Variants in YEATS4 observed in about 807,000 individuals in gnomAD.
YEATS4 encodes the protein YEATS domain-containing protein 4.
Under a neutral mutation model 30.1 loss-of-function variants are expected in YEATS4, and 17 were observed. The ratio of observed to expected loss-of-function variants is 0.56; its 90% CI spans 0.39 to 0.85. YEATS4 has a LOEUF of 0.85. Among genes scored for constraint, YEATS4 ranks in the 40% least tolerant of loss-of-function variants. The probability of loss-of-function intolerance (pLI) is 0.00; values close to 1 mark genes in which losing one functional copy is unlikely to be tolerated. For missense variants in YEATS4, 142 were observed against 268.3 expected (o/e 0.53, Z 3.29); for synonymous variants, 85 against 87.5 (o/e 0.97, Z 0.16).
chr12:69,413,690 A>G, the YEATS4 span, among the ~76,000 whole-genome samples: 3 of 152,040 alleles, frequency 2.0e-5, no homozygotes, highest in Admixed American at 2.0e-4. Context: ...CGTCTCTACT[A>G]AAAATACAAA....
chr12:69,416,296 T>C, the YEATS4 span, among the ~76,000 whole-genome samples: 1 of 152,208 alleles, frequency 6.6e-6, no homozygotes, highest in African/African-American at 2.4e-5. Flanking sequence ...CTCTGATGTG[T>C]TTAATTTGTT....
intron 6 of YEATS4, among the ~76,000 whole-genome samples, chr12:69,375,872 G>C (rs1437304732): frequency 6.6e-6 from 1 of 152,038 alleles, no homozygotes; most frequent in African/African-American, 2.4e-5. Context: ...GCCTGGGCTC[G>C]GCATCAGAGG....
chr12:69,360,956 G>T (rs1875178030), intron 1 of YEATS4, among the ~76,000 whole-genome samples: 1 of 151,852 alleles, frequency 6.6e-6, no homozygotes, highest in Non-Finnish European at 1.5e-5. Flanking sequence ...CCAGCACTTT[G>T]GAAGGCCGAG....
In YEATS4 at chr12:69,359,965, G is replaced by A; in HGVS notation, c.-8G>A. On this transcript the variant is annotated 5_prime_UTR_variant, in exon 1 of 7. Transcript: ENST00000247843. ...CCCTGGCGGCGGCGGCTTCTTCCGT[G>A]GGACAATATGTTCAAGAGAATGGCC... 6.2e-7 allele frequency: 1 copy of A among 1,612,446 alleles called. No individual in the cohort carries two copies. Among genetic ancestry groups the A allele is most frequent in the Non-Finnish European group, 8.5e-7 (1 of 1,179,188 alleles).
At chr12:69,401,719 C>T in the YEATS4 span, among the ~76,000 whole-genome samples, 2 of 152,326 alleles carry the variant, frequency 1.3e-5, no homozygotes, top group East Asian at 3.9e-4. Context: ...AGTTCATATA[C>T]ACCATCCATT....
At chr12:69,410,500 G>A in the YEATS4 span, among the ~76,000 whole-genome samples, 2 of 152,136 alleles carry the variant, frequency 1.3e-5, no homozygotes, top group South Asian at 2.1e-4. Flanking sequence ...CAGAGGTCAG[G>A]CAAAAATTAT....
At chr12:69,399,473 A>G in the YEATS4 span, among the ~76,000 whole-genome samples, 1 of 152,232 alleles carries the variant, frequency 6.6e-6, no homozygotes, top group Non-Finnish European at 1.5e-5. Flanking sequence ...AATGGCTGCA[A>G]TAAAAGAGAC....
intron 6 of YEATS4, among the ~76,000 whole-genome samples, chr12:69,388,166 T>C (rs572324506): frequency 6.6e-6 from 1 of 152,270 alleles, no homozygotes; most frequent in African/African-American, 2.4e-5. Context: ...GTTCACGCCA[T>C]TCTCCCGCCT....
intron 1 of YEATS4, among the ~76,000 whole-genome samples, chr12:69,362,353 ATGTT>A (rs1312867990): frequency 6.6e-6 from 1 of 151,754 alleles, no homozygotes; most frequent in Non-Finnish European, 1.5e-5. Flanking sequence ...AAAGTGAAAA[ATGTT>A]TGACCTTTAT....
intron 6 of YEATS4, among the ~76,000 whole-genome samples, chr12:69,375,773 G>T (rs182005188): frequency 1.3e-5 from 2 of 152,104 alleles, no homozygotes; most frequent in Non-Finnish European, 2.9e-5. Context: ...GTGGTGGTGC[G>T]CGCCTGCAAT....
chr12:69,416,149 G>T, the YEATS4 span, among the ~76,000 whole-genome samples: 1 of 152,154 alleles, frequency 6.6e-6, no homozygotes, highest in Non-Finnish European at 1.5e-5. Context: ...TCCAACTTCA[G>T]TTCCCTGTGT....
At chr12:69,424,007 C>G in the YEATS4 span, among the ~76,000 whole-genome samples, 1,044 of 152,250 alleles carry the variant, frequency 6.9e-3, 11 homozygotes, top group African/African-American at 0.024. Context: ...CTAGATATTA[C>G]TCTATGAAGA....
At chr12:69,417,978 T>C in the YEATS4 span, among the ~76,000 whole-genome samples, 1 of 151,708 alleles carries the variant, frequency 6.6e-6, no homozygotes, top group Non-Finnish European at 1.5e-5. Context: ...TCAAATAAAA[T>C]AAGCTATATT....
chr12:69,420,480 CAGG>C, the YEATS4 span, among the ~76,000 whole-genome samples: 1 of 151,918 alleles, frequency 6.6e-6, no homozygotes, highest in Non-Finnish European at 1.5e-5. Flanking sequence ...GAAACACAAC[CAGG>C]AGGAGATTTC....
the YEATS4 span, among the ~76,000 whole-genome samples, chr12:69,425,911 C>A: frequency 4.6e-5 from 7 of 152,198 alleles, no homozygotes; most frequent in Non-Finnish European, 1.0e-4. Context: ...TTCCTTTTTA[C>A]TCACTCTTGC....
the YEATS4 span, among the ~76,000 whole-genome samples, chr12:69,398,856 A>C: frequency 6.7e-6 from 1 of 149,474 alleles, no homozygotes; most frequent in African/African-American, 2.5e-5. Flanking sequence ...ATCATTAAAA[A>C]CTTTTGTGCT....
intron 4 of YEATS4, among the ~76,000 whole-genome samples, chr12:69,370,479 A>G (rs1047825289): frequency 7.2e-5 from 11 of 152,182 alleles, no homozygotes. Context: ...ACAGATTCTT[A>G]ATTACCCTCT....
At chr12:69,363,496 A>G (rs1037228779) in intron 2 of YEATS4, among the ~76,000 whole-genome samples, 4 of 152,240 alleles carry the variant, frequency 2.6e-5, no homozygotes, top group African/African-American at 7.2e-5. Context: ...TCTTCCTAAC[A>G]TCATATCTAA....
chr12:69,371,057 T>C, intron 6 of YEATS4, 82 bp downstream of exon 6: 2 of 1,373,252 alleles, frequency 1.5e-6, no homozygotes, highest in Non-Finnish European at 2.0e-6. Flanking sequence ...CCTTTTACAC[T>C]TTAAAAAAAT....
Sources: gnomAD v4.1 joint callset for allele counts (sites outside exome capture counted in the v4.1 genomes callset) on GRCh38, gnomAD v4.1.1 for gene constraint, MANE v1.5 for transcripts, NCBI Gene and HGNC (gene_info 2026-07-23, HGNC 2026-07-21) for gene names.